Variants in OR2T35 observed in about 807,000 individuals in gnomAD.
OR2T35 encodes the protein olfactory receptor 2T35.
For missense variants in OR2T35, 47 were observed against 278.8 expected (o/e 0.17, Z 5.92); for synonymous variants, 18 against 110.2 (o/e 0.16, Z 5.24).
chr1:248,644,554 GC>G (rs1316331528), intron 1 of OR2T35, among the ~76,000 whole-genome samples: 3 of 141,398 alleles, frequency 2.1e-5, no homozygotes, highest in Middle Eastern at 3.2e-3. Context: ...CAGCTGAAGA[GC>G]CCGTGGAGAG....
In OR2T35 at chr1:248,638,223, C is replaced by A. The variant is rs1440064916; in HGVS notation, c.*64G>T. On this transcript the variant is annotated 3_prime_UTR_variant, in exon 2 of 2. Transcript: ENST00000641268. ...TCCTGATCAGTCACCACCCCTGATG[C>A]TCTGGGAGTCCCCGCTAATCCTTCC... The A allele has an allele frequency of 1.0e-6, 1 of 958,204 alleles. No individual in the cohort carries two copies. The highest frequency in any genetic ancestry group is 1.5e-5 in the African/African-American group (1 of 66,366). 59.4% of individuals were successfully genotyped at this position (958,204 alleles called of 1,614,324 possible).
chr1:248,644,772 G>A (rs916511834), intron 1 of OR2T35, among the ~76,000 whole-genome samples: 1 of 139,928 alleles, frequency 7.1e-6, no homozygotes, highest in Non-Finnish European at 1.6e-5. Context: ...AGCCACAGTG[G>A]GCTTTGGCCA....
chr1:248,644,803 A>G (rs984813786), intron 1 of OR2T35, among the ~76,000 whole-genome samples: 3 of 139,646 alleles, frequency 2.1e-5, no homozygotes, highest in Non-Finnish European at 3.2e-5. Context: ...TTCTTCTTCT[A>G]CCTACACAAG....
chr1:248,642,266 G>A (rs1342881183), intron 1 of OR2T35, among the ~76,000 whole-genome samples: 24 of 133,554 alleles, frequency 1.8e-4, no homozygotes, highest in Non-Finnish European at 3.4e-4. Context: ...TTTTATTTGC[G>A]TGATCAAAGC....
At position 248,638,240 on chromosome 1, in the gene OR2T35, A is replaced by G. The variant is rs186422668; in HGVS notation, c.*47T>C. On this transcript the variant is annotated 3_prime_UTR_variant, in exon 2 of 2. Transcript: ENST00000641268. ...CCCTGATGCTCTGGGAGTCCCCGCT[A>G]ATCCTTCCCGATCACAGTCACCACT... is the stretch of plus-strand genomic sequence containing the variant. 1.7e-3 allele frequency: 1,615 copies of G among 959,618 alleles called. 82 individuals are homozygous for G. In the Admixed American group the frequency reaches 0.03, roughly 18 times the overall value. The allele number at this position is 959,618 out of a possible 1,614,324, so 59.4% of individuals were successfully genotyped here.
intron 1 of OR2T35, among the ~76,000 whole-genome samples, chr1:248,642,409 T>TG (rs1474741335): frequency 9.3e-6 from 1 of 107,700 alleles, no homozygotes; most frequent in Non-Finnish European, 2.3e-5. Flanking sequence ...AATGGGAGGG[T>TG]GGGAAGATCA....
intron 1 of OR2T35, among the ~76,000 whole-genome samples, 179 bp from the exon 2 acceptor site, chr1:248,639,459 C>T (rs542139259): frequency 3.3e-5 from 5 of 151,984 alleles, no homozygotes; most frequent in East Asian, 1.9e-4. Context: ...ATTAATCTCT[C>T]AACTCAATTT....
At position 248,638,225 on chromosome 1, in the gene OR2T35, C is replaced by G. The variant is rs1427503973; in HGVS notation, c.*62G>C. On this transcript the variant is annotated 3_prime_UTR_variant, in exon 2 of 2. Coordinates refer to ENST00000641268, the MANE Select transcript of OR2T35 (RefSeq NM_001001827.2). ...CTGATCAGTCACCACCCCTGATGCT[C>G]TGGGAGTCCCCGCTAATCCTTCCCG... The G allele has an allele frequency of 3.1e-6, 3 of 959,548 alleles. No individual in the cohort carries two copies. Among genetic ancestry groups the G allele is most frequent in the Non-Finnish European group, 3.3e-6 (2 of 601,766 alleles). 59.4% of individuals were successfully genotyped at this position (959,548 alleles called of 1,614,324 possible).
intron 1 of OR2T35, among the ~76,000 whole-genome samples, chr1:248,639,615 T>TC (rs1660765408): frequency 1.3e-5 from 1 of 79,416 alleles, no homozygotes; most frequent in African/African-American, 3.9e-5. Flanking sequence ...CACTTTTAGA[T>TC]TGAAAGTTTT....
chr1:248,641,617 CAGAAG>C (rs1660783526), intron 1 of OR2T35, among the ~76,000 whole-genome samples: 1 of 80,116 alleles, frequency 1.2e-5, no homozygotes, highest in Admixed American at 1.5e-4. Flanking sequence ...TGTAGGATCC[CAGAAG>C]AGGAGAGTAA....
At chr1:248,639,363 G>A (rs1042399714) in intron 1 of OR2T35, 83 bp from the exon 2 acceptor site, 34 of 538,210 alleles carry the variant, frequency 6.3e-5, no homozygotes, top group Admixed American at 5.4e-4. Flanking sequence ...CAGAAGCAGC[G>A]TGAGATCAAG....
chr1:248,642,218 AAAAAAAAAAAAAAAAAAG>A (rs895241471), intron 1 of OR2T35, among the ~76,000 whole-genome samples: 7 of 32,192 alleles, frequency 2.2e-4, no homozygotes, highest in East Asian at 1.7e-3. Context: ...AGTCTTTCCA[AAAAAAAAAAAAAAAAAAG>A]AAAAAGAAAA....
Position 248,638,182 on chromosome 1 carries a change from A to T in OR2T35, c.*105T>A. Reference sequence around the variant, plus strand: ...CCGCAGCACCGCAGATGTTTGCACTAGTCCCTGCTAGTCCTTCCTGATCAG... The same window carrying T: ...CCGCAGCACCGCAGATGTTTGCACTTGTCCCTGCTAGTCCTTCCTGATCAG... On this transcript the variant is annotated 3_prime_UTR_variant, in exon 2 of 2. Coordinates refer to ENST00000641268, the MANE Select transcript of OR2T35 (RefSeq NM_001001827.2). The T allele has an allele frequency of 1.2e-6, 1 of 855,436 alleles. No individual in the cohort carries two copies. The highest frequency in any genetic ancestry group is 1.8e-6 in the Non-Finnish European group (1 of 548,116). 53.0% of individuals were successfully genotyped at this position (855,436 alleles called of 1,614,324 possible). A position where few individuals can be genotyped will look rare whatever the true frequency, so the allele number is the denominator to read the frequency against.
At chr1:248,644,540 A>G (rs1355964441) in intron 1 of OR2T35, among the ~76,000 whole-genome samples, 1 of 140,106 alleles carries the variant, frequency 7.1e-6, no homozygotes, top group African/African-American at 2.8e-5. Flanking sequence ...GTCCAGTCTA[A>G]CTACAGCTGA....
In OR2T35 at chr1:248,641,697, TAAA is replaced by T. The variant is rs3033658; in HGVS notation, c.-22-2420_-22-2418del. 9.7e-3 allele frequency among the ~76,000 whole-genome samples: 570 copies of T among 58,704 alleles called. 66 individuals are homozygous for T. The highest frequency in any genetic ancestry group is 0.066 in the Admixed American group (260 of 3,956). 38.5% of individuals were successfully genotyped at this position (58,704 alleles called of 152,430 possible). A position where few individuals can be genotyped will look rare whatever the true frequency, so the allele number is the denominator to read the frequency against. On this transcript the variant is annotated intron_variant, in intron 1 of 1. Transcript: ENST00000641268. ...CATTTTTATACAACCGAGACCGTGTTAAAAAAAAAAAAAAAAAGGTTCCTTGTG... is the reference window on the plus strand; with the variant it reads ...CATTTTTATACAACCGAGACCGTGTTAAAAAAAAAAAAAAGGTTCCTTGTG...
chr1:248,643,124 C>CCTTT (rs1660810019), intron 1 of OR2T35, among the ~76,000 whole-genome samples: 1 of 115,908 alleles, frequency 8.6e-6, no homozygotes, highest in Non-Finnish European at 1.9e-5. Flanking sequence ...TGTTTAGCCA[C>CCTTT]AAATAACAGC....
At chr1:248,641,697 T>TAAA (rs3033658) in intron 1 of OR2T35, among the ~76,000 whole-genome samples, 758 of 58,806 alleles carry the variant, frequency 0.013, 52 homozygotes, top group African/African-American at 0.022. Context: ...GAGACCGTGT[T>TAAA]AAAAAAAAAA....
At chr1:248,641,697 T>TAAAAAA (rs3033658) in intron 1 of OR2T35, among the ~76,000 whole-genome samples, 5 of 58,856 alleles carry the variant, frequency 8.5e-5, no homozygotes, top group African/African-American at 1.8e-4. Context: ...GAGACCGTGT[T>TAAAAAA]AAAAAAAAAA....
Position 248,638,716 on chromosome 1 carries a change from G to GA in OR2T35, c.542dup (p.Ala183SerfsTer14). The GA allele has an allele frequency of 1.5e-6, 2 of 1,297,316 alleles. No homozygotes were observed. Among genetic ancestry groups the GA allele is most frequent in the Non-Finnish European group, 2.2e-6 (2 of 925,802 alleles). 80.4% of individuals were successfully genotyped at this position (1,297,316 alleles called of 1,614,324 possible). A position where few individuals can be genotyped will look rare whatever the true frequency, so the allele number is the denominator to read the frequency against. Reference sequence around the variant, plus strand: ...TGCAAGACAACTTCAGCACGGCTGGGATCTCACAGAAAAAGTGATTGATCT... The same window carrying GA: ...TGCAAGACAACTTCAGCACGGCTGGGAATCTCACAGAAAAAGTGATTGATCT... On this transcript the variant is annotated frameshift_variant, in exon 2 of 2. Coordinates refer to ENST00000641268, the MANE Select transcript of OR2T35 (RefSeq NM_001001827.2). LOFTEE classifies it low-confidence loss of function (END_TRUNC).
Sources: gnomAD v4.1 joint callset for allele counts (sites outside exome capture counted in the v4.1 genomes callset) on GRCh38, gnomAD v4.1.1 for gene constraint, MANE v1.5 for transcripts, NCBI Gene and HGNC (gene_info 2026-07-23, HGNC 2026-07-21) for gene names.